Variants in LRRC9 observed in about 807,000 individuals in gnomAD.
The protein encoded by LRRC9 is leucine rich repeat containing 9.
LRRC9 carries 122 observed loss-of-function variants against 63.2 expected under a neutral mutation model. The ratio of observed to expected loss-of-function variants is 1.93; its 90% CI spans 1.67 to 2.24. LRRC9 has a LOEUF of 2.24. LRRC9 is among the 30% of genes most tolerant of loss of function. The pLI, the probability that LRRC9 is intolerant of heterozygous loss-of-function variation, is 0.00. For missense variants in LRRC9, 1,071 were observed against 627.7 expected (o/e 1.71, Z -7.55); for synonymous variants, 366 against 213.1 (o/e 1.72, Z -6.25).
chr14:60,005,981 A>C lies in LRRC9; in HGVS notation c.2843-416A>C, dbSNP rs79870052. 7.1e-3 allele frequency among the ~76,000 whole-genome samples: 1,083 copies of C among 152,238 alleles called. 9 individuals carry two copies. The highest frequency in any genetic ancestry group is 0.024 in the African/African-American group (1,016 of 41,568). ...TTGTTCATTTTAATACAAACGATGC[A>C]CTTTCCAGAATGTGGTTCCTTACCC... On this transcript the variant is annotated intron_variant, in intron 21 of 31. Coordinates refer to ENST00000445360, the Ensembl canonical transcript of LRRC9.
In LRRC9 at chr14:59,990,646, A is replaced by C. The variant is rs1887988413; in HGVS notation, c.2211+5422A>C. Among the ~76,000 whole-genome samples the C allele has an allele frequency of 6.6e-6, 1 of 151,988 alleles. No homozygotes were observed. On this transcript the variant is annotated intron_variant, in intron 17 of 31. Coordinates refer to ENST00000445360, the Ensembl canonical transcript of LRRC9. This position sits in a 1 kb window ranked among gnomAD's most constrained non-coding sequence, Gnocchi z 4.2. ...AGGCTGGTCTCAAACTCCTGGTCTC[A>C]GGCAGTTCTCCTGCCTCAGCCTCCC...
intron 27 of LRRC9, 124 bp downstream of exon 27, chr14:60,022,994 TA>T: frequency 2.5e-6 from 1 of 405,796 alleles, no homozygotes. Flanking sequence ...AAAAATATTT[TA>T]ATAATCACAA....
chr14:59,986,098 T>A lies in LRRC9; in HGVS notation c.2211+874T>A, dbSNP rs977545878. Among the ~76,000 whole-genome samples the A allele has an allele frequency of 3.3e-5, 5 of 152,168 alleles. No individual in the cohort carries two copies. The highest frequency in any genetic ancestry group is 9.7e-5 in the African/African-American group (4 of 41,446). ...TTTCTTTCTGTCTTGTCCTTTGACC[T>A]GAATATCACATGCATAGATCTTGTT... is the stretch of plus-strand genomic sequence containing the variant. On this transcript the variant is annotated intron_variant, in intron 17 of 31. Coordinates refer to ENST00000445360, the Ensembl canonical transcript of LRRC9. The surrounding 1 kb of genome is among the most constrained non-coding windows in gnomAD (Gnocchi z 4.7).
intron 23 of LRRC9, 54 bp from the exon 24 acceptor site, chr14:60,016,606 T>C (rs879033116): frequency 5.7e-5 from 37 of 644,552 alleles, no homozygotes; most frequent in South Asian, 4.9e-4. Context: ...CAGAGAACTA[T>C]GTAATTTAGT....
chr14:60,028,129 A>G, intron 28 of LRRC9, 28 bp downstream of exon 28: 1 of 673,292 alleles, frequency 1.5e-6, no homozygotes, highest in Non-Finnish European at 2.7e-6. Flanking sequence ...TTATTATGGG[A>G]TTTACAAGCT....
intron 29 of LRRC9, among the ~76,000 whole-genome samples, chr14:60,047,936 A>G (rs1893572656): frequency 6.6e-6 from 1 of 152,240 alleles, no homozygotes; most frequent in Admixed American, 6.5e-5. Flanking sequence ...AAATCATAAC[A>G]AACAGTCTCT....
chr14:59,999,996 T>C (rs1478965181), intron 19 of LRRC9, among the ~76,000 whole-genome samples: 1 of 152,152 alleles, frequency 6.6e-6, no homozygotes, highest in African/African-American at 2.4e-5. Flanking sequence ...TGCATTAATA[T>C]GTTCATTGCA....
Position 60,017,800 on chromosome 14 carries a change from T to A in LRRC9, c.3318-571T>A, listed in dbSNP as rs1202559757. ...CTCTGTCATGGCTCAAATGAAGATA[T>A]AGCTATAGACTGGGAATCAAGCATT... On this transcript the variant is annotated intron_variant, in intron 24 of 31. Coordinates refer to ENST00000445360, the Ensembl canonical transcript of LRRC9. The surrounding 1 kb of genome is among the most constrained non-coding windows in gnomAD (Gnocchi z 4.0). Among the ~76,000 whole-genome samples the A allele has an allele frequency of 6.6e-6, 1 of 152,116 alleles. No homozygotes were observed. Among genetic ancestry groups the A allele is most frequent in the Non-Finnish European group, 1.5e-5 (1 of 68,004 alleles).
chr14:59,987,480 A>ATTTTTT (rs1566847733), intron 17 of LRRC9, among the ~76,000 whole-genome samples: 30 of 74,954 alleles, frequency 4.0e-4, no homozygotes, highest in Non-Finnish European at 7.5e-4. Flanking sequence ...ATCTCTTTTA[A>ATTTTTT]TTGATAGATT....
chr14:60,025,398 T>C (rs1891465012), intron 27 of LRRC9, among the ~76,000 whole-genome samples: 1 of 151,806 alleles, frequency 6.6e-6, no homozygotes, highest in South Asian at 2.1e-4. Context: ...CACCACTCCC[T>C]GCCCAGATAT....
At chr14:60,020,726 G>T (rs980720417) in intron 26 of LRRC9, among the ~76,000 whole-genome samples, 2 of 151,754 alleles carry the variant, frequency 1.3e-5, no homozygotes, top group Non-Finnish European at 2.9e-5. Context: ...TAAAATAGAC[G>T]GTCTTTTGCC....
At position 60,060,149 on chromosome 14, in the gene LRRC9, A is replaced by C. The variant is rs1355625022; in HGVS notation, c.4276+2127A>C. Reference sequence around the variant, plus strand: ...AAATCTACTTTGTCTATGCTCTATCAGTCTATGCTCTATCAATGTACAAAG... The same window carrying C: ...AAATCTACTTTGTCTATGCTCTATCCGTCTATGCTCTATCAATGTACAAAG... On this transcript the variant is annotated intron_variant, in intron 31 of 31. Coordinates refer to ENST00000445360, the Ensembl canonical transcript of LRRC9. The surrounding 1 kb of genome is among the most constrained non-coding windows in gnomAD (Gnocchi z 4.0). Among the ~76,000 whole-genome samples the C allele has an allele frequency of 6.6e-6, 1 of 152,204 alleles. No homozygotes were observed. Among genetic ancestry groups the C allele is most frequent in the Non-Finnish European group, 1.5e-5 (1 of 68,024 alleles).
At chr14:59,955,987 C>T (rs115380572) in intron 8 of LRRC9, among the ~76,000 whole-genome samples, 2,961 of 152,234 alleles carry the variant, frequency 0.019, 96 homozygotes, top group African/African-American at 0.067. Flanking sequence ...ATTTTAATTG[C>T]ACTGTGGTCT....
chr14:59,976,069 G>A (rs1201955482), intron 13 of LRRC9, among the ~76,000 whole-genome samples: 1 of 152,242 alleles, frequency 6.6e-6, no homozygotes, highest in East Asian at 1.9e-4. Context: ...ACATGCGAGG[G>A]ATCTGGGTTG....
Position 59,983,043 on chromosome 14 carries a change from G to T in LRRC9, c.2091+983G>T, listed in dbSNP as rs188534614. Among the ~76,000 whole-genome samples, 79 of 152,290 alleles carry T rather than the reference G, an allele frequency of 5.2e-4. 2 individuals are homozygous for T. The highest frequency in any genetic ancestry group is 1.8e-3 in the African/African-American group (73 of 41,574). On this transcript the variant is annotated intron_variant, in intron 16 of 31. Coordinates refer to ENST00000445360, the Ensembl canonical transcript of LRRC9. Reference sequence around the variant, plus strand: ...ACTGAGATATTAGGCCTACTTCTATGTCTGACTTTTAGATGTGTTCATTTC... The same window carrying T: ...ACTGAGATATTAGGCCTACTTCTATTTCTGACTTTTAGATGTGTTCATTTC...
At chr14:59,991,980 G>A (rs1027886823) in intron 17 of LRRC9, among the ~76,000 whole-genome samples, 4 of 152,160 alleles carry the variant, frequency 2.6e-5, no homozygotes, top group Non-Finnish European at 4.4e-5. Context: ...CTCCCAGCAC[G>A]CAGCTGGAGA....
chr14:60,036,761 TTTA>T (rs1338858483), intron 29 of LRRC9, among the ~76,000 whole-genome samples: 4 of 152,062 alleles, frequency 2.6e-5, no homozygotes, highest in African/African-American at 4.8e-5. Flanking sequence ...CTTCATGTAC[TTTA>T]TTATTATTTT....
At chr14:60,024,897 G>C (rs547021139) in intron 27 of LRRC9, among the ~76,000 whole-genome samples, 1 of 151,242 alleles carries the variant, frequency 6.6e-6, no homozygotes, top group Non-Finnish European at 1.5e-5. Context: ...TAGCTCCCAC[G>C]TGTAGGTAAG....
chr14:60,028,190 T>C, intron 28 of LRRC9, 89 bp downstream of exon 28: 1 of 616,690 alleles, frequency 1.6e-6, no homozygotes, highest in East Asian at 2.7e-5. Flanking sequence ...TCAATGAAAA[T>C]GTTGCTAGTA....
Sources: allele counts gnomAD v4.1 joint callset (sites outside exome capture counted in the v4.1 genomes callset), GRCh38; gene constraint gnomAD v4.1.1; non-coding constraint Gnocchi (gnomAD v3.1); transcripts MANE v1.5; gene names NCBI Gene and HGNC (gene_info 2026-07-23, HGNC 2026-07-21).